Variants in PKIB observed in about 807,000 individuals in gnomAD.
The protein encoded by PKIB is PKI-beta.
A neutral mutation model predicts 4.5 loss-of-function variants in PKIB; 2 were observed. That is an observed-to-expected ratio of 0.44 (90% CI 0.18 to 1.39). The LOEUF is 1.39. PKIB is among the 40% of genes most tolerant of loss of function. PKIB has a pLI of 0.27. For missense variants in PKIB, 94 were observed against 92.6 expected (o/e 1.02, Z -0.06); for synonymous variants, 38 against 36.0 (o/e 1.06, Z -0.20).
intron 2 of PKIB, among the ~76,000 whole-genome samples, chr6:122,639,738 A>G (rs779144685): frequency 2.0e-5 from 3 of 152,194 alleles, no homozygotes; most frequent in Non-Finnish European, 2.9e-5. Flanking sequence ...ATTTGAATGG[A>G]TGGAATTAGA....
intron 2 of PKIB, among the ~76,000 whole-genome samples, chr6:122,584,547 C>T (rs9385259): frequency 0.62 from 93,414 of 151,844 alleles, 29,250 homozygotes; most frequent in East Asian, 0.68. Flanking sequence ...ATAAGAAATA[C>T]GCAAAAATTA....
chr6:122,576,710 A>ATATATATATATATATATATTT (rs59569106), intron 2 of PKIB, among the ~76,000 whole-genome samples: 4 of 109,992 alleles, frequency 3.6e-5, no homozygotes, highest in South Asian at 5.5e-4. Flanking sequence ...ATATATATAT[A>ATATATATATATATATATATTT]TTTTCTTTTG....
intron 3 of PKIB, among the ~76,000 whole-genome samples, chr6:122,598,789 A>G (rs543123179): frequency 6.6e-6 from 1 of 152,200 alleles, no homozygotes; most frequent in East Asian, 1.9e-4. Context: ...TAACCAAACA[A>G]ATAAACTATT....
intron 2 of PKIB, among the ~76,000 whole-genome samples, chr6:122,552,536 C>A (rs1434106785): frequency 6.6e-6 from 1 of 151,998 alleles, no homozygotes; most frequent in Non-Finnish European, 1.5e-5. Context: ...GCCACCATGC[C>A]CAGCTACTTT....
rs529677372 is a variant in PKIB, at chr6:122,597,022, A to G, written c.-161+11015A>G. Among the ~76,000 whole-genome samples the G allele has an allele frequency of 2.1e-3, 315 of 152,296 alleles. 1 individual carries two copies. The highest frequency in any genetic ancestry group is 3.8e-3 in the Non-Finnish European group (260 of 68,016). On this transcript the variant is annotated intron_variant, in intron 3 of 6. Transcript: ENST00000392491. ...TGGGAGGGGCCAAATGCAGCAACTT[A>G]TCCTTCACTTTAGAAAGAATATCTT...
intron 3 of PKIB, among the ~76,000 whole-genome samples, chr6:122,690,211 C>A (rs1778273353): frequency 6.6e-6 from 1 of 151,184 alleles, no homozygotes; most frequent in South Asian, 2.1e-4. Flanking sequence ...TCCATTCAAC[C>A]ACTCTGTGTC....
At chr6:122,641,344 T>C (rs1776113179) in intron 2 of PKIB, among the ~76,000 whole-genome samples, 1 of 152,144 alleles carries the variant, frequency 6.6e-6, no homozygotes, top group South Asian at 2.1e-4. Flanking sequence ...CCTTCCCTAC[T>C]CCTAAATTGG....
chr6:122,591,237 G>A (rs756498337), intron 3 of PKIB, among the ~76,000 whole-genome samples: 33 of 148,918 alleles, frequency 2.2e-4, no homozygotes, highest in South Asian at 6.4e-4. Context: ...ATACACACAC[G>A]TTTTCCCAGA....
intron 2 of PKIB, among the ~76,000 whole-genome samples, chr6:122,508,806 A>G (rs924456989): frequency 6.6e-6 from 1 of 152,010 alleles, no homozygotes; most frequent in Non-Finnish European, 1.5e-5. Context: ...GCTGGAATGC[A>G]GTAACGCCAT....
At chr6:122,621,605 A>G (rs748080334) in intron 1 of PKIB, among the ~76,000 whole-genome samples, 5 of 152,230 alleles carry the variant, frequency 3.3e-5, no homozygotes, top group Non-Finnish European at 7.3e-5. Context: ...GTGTTCTAGG[A>G]AGAGCAAAGA....
At chr6:122,507,821 T>G (rs916708650) in intron 2 of PKIB, among the ~76,000 whole-genome samples, 4 of 151,516 alleles carry the variant, frequency 2.6e-5, no homozygotes, top group African/African-American at 7.3e-5. Flanking sequence ...TGTTTTTGAG[T>G]TTTTTTTACC....
At chr6:122,626,934 T>C (rs1411255475) in intron 1 of PKIB, among the ~76,000 whole-genome samples, 1 of 151,892 alleles carries the variant, frequency 6.6e-6, no homozygotes, top group Non-Finnish European at 1.5e-5. Flanking sequence ...TTTTCTAAAC[T>C]CTGAGTAACA....
intron 2 of PKIB, among the ~76,000 whole-genome samples, chr6:122,552,211 C>T (rs756579809): frequency 1.3e-5 from 2 of 152,114 alleles, no homozygotes; most frequent in African/African-American, 4.8e-5. Context: ...GTGTTCCTTT[C>T]GTCAGGCTCC....
At chr6:122,506,858 C>G (rs991893241) in intron 2 of PKIB, among the ~76,000 whole-genome samples, 3 of 150,920 alleles carry the variant, frequency 2.0e-5, no homozygotes, top group Non-Finnish European at 4.4e-5. Flanking sequence ...CACCATCACG[C>G]CCGGCTAATT....
rs1773915804 is a variant in PKIB, at chr6:122,588,350, T to C, written c.-161+2343T>C. Among the ~76,000 whole-genome samples the C allele has an allele frequency of 2.6e-5, 4 of 152,262 alleles. No individual in the cohort carries two copies. In the Middle Eastern group the frequency reaches 0.01, roughly 388 times the overall value. On this transcript the variant is annotated intron_variant, in intron 3 of 6. Coordinates refer to the PKIB transcript ENST00000392491. ...GCAGCATTATTTCTGAGGTCTCTGTTCTGTTCCATTGGTCTAGATTCAATG... is the reference window on the plus strand; with the variant it reads ...GCAGCATTATTTCTGAGGTCTCTGTCCTGTTCCATTGGTCTAGATTCAATG...
intron 3 of PKIB, among the ~76,000 whole-genome samples, chr6:122,694,628 A>T (rs1778491864): frequency 6.6e-6 from 1 of 152,166 alleles, no homozygotes; most frequent in Admixed American, 6.6e-5. Context: ...GGTGCATAAG[A>T]AAAAAGGGGA....
intron 2 of PKIB, among the ~76,000 whole-genome samples, chr6:122,563,496 G>A (rs1773092808): frequency 6.6e-6 from 1 of 152,068 alleles, no homozygotes; most frequent in South Asian, 2.1e-4. Context: ...TATAGAGAGG[G>A]ACTGGTGGTG....
chr6:122,485,344 A>C (rs1775734644), intron 2 of PKIB, among the ~76,000 whole-genome samples: 1 of 152,188 alleles, frequency 6.6e-6, no homozygotes, highest in Non-Finnish European at 1.5e-5. Flanking sequence ...TTATACATTG[A>C]AATTATTTCC....
chr6:122,684,899 A>G (rs968547274), intron 3 of PKIB, among the ~76,000 whole-genome samples: 1 of 152,210 alleles, frequency 6.6e-6, no homozygotes, highest in Admixed American at 6.5e-5. Flanking sequence ...AAACTGGATA[A>G]GGTATGCTTT....
Sources: allele counts gnomAD v4.1 joint callset (sites outside exome capture counted in the v4.1 genomes callset), GRCh38; gene constraint gnomAD v4.1.1; transcripts MANE v1.5; gene names NCBI Gene and HGNC (gene_info 2026-07-23, HGNC 2026-07-21).